Variants in VAT1L observed in about 807,000 individuals in gnomAD.
VAT1L encodes the protein vesicle amine transport 1 like.
In VAT1L, 34 loss-of-function variants were observed where a neutral mutation model predicts 44.1. That is an observed-to-expected ratio of 0.77 (90% CI 0.59 to 1.03). VAT1L has a LOEUF of 1.03. Among genes scored for constraint, VAT1L ranks in the 50% least tolerant of loss-of-function variants. VAT1L has a pLI of 0.00. For synonymous variants in VAT1L, 253 were observed against 202.2 expected, an observed-to-expected ratio of 1.25 and a Z score of -2.13; for missense variants, 615 against 538.8, an observed-to-expected ratio of 1.14 and a Z score of -1.40.
At chr16:77,812,469 C>T (rs530374034) in intron 1 of VAT1L, among the ~76,000 whole-genome samples, 1 of 152,234 alleles carries the variant, frequency 6.6e-6, no homozygotes, top group African/African-American at 2.4e-5. Context: ...GTTGGAAGAC[C>T]TTTATTCAAG....
chr16:77,800,456 T>A (rs1484318677), intron 1 of VAT1L: 1 of 152,212 alleles, frequency 6.6e-6, no homozygotes, highest in Non-Finnish European at 1.5e-5. Context: ...TTTCCACGAC[T>A]CTGTCCCTAC....
chr16:77,878,729 C>T (rs980750584), intron 5 of VAT1L, among the ~76,000 whole-genome samples: 1 of 152,124 alleles, frequency 6.6e-6, no homozygotes, highest in Non-Finnish European at 1.5e-5. Flanking sequence ...CTCTGCTCCA[C>T]CTCTCCCACC....
At chr16:77,830,260 G>GT (rs1477327373) in intron 3 of VAT1L, among the ~76,000 whole-genome samples, 1 of 152,114 alleles carries the variant, frequency 6.6e-6, no homozygotes, top group Non-Finnish European at 1.5e-5. Context: ...TTCATATGCT[G>GT]TTTTTTTCTT....
At chr16:77,812,292 C>G (rs1187404156) in intron 1 of VAT1L, among the ~76,000 whole-genome samples, 1 of 152,080 alleles carries the variant, frequency 6.6e-6, no homozygotes, top group South Asian at 2.1e-4. Context: ...AGGCTGGTCT[C>G]GAACTCCTGA....
At chr16:77,958,523 A>C (rs2018128133) in intron 7 of VAT1L, among the ~76,000 whole-genome samples, 1 of 152,164 alleles carries the variant, frequency 6.6e-6, no homozygotes, top group African/African-American at 2.4e-5. Flanking sequence ...CAACCACCCA[A>C]ATCCAGCACT....
At chr16:77,790,841 G>A (rs1425730341) in intron 1 of VAT1L, among the ~76,000 whole-genome samples, 1 of 152,122 alleles carries the variant, frequency 6.6e-6, no homozygotes, top group Non-Finnish European at 1.5e-5. Context: ...CTGCATAATT[G>A]CTGATAGGAA....
intron 3 of VAT1L, among the ~76,000 whole-genome samples, chr16:77,852,692 C>T (rs555215686): frequency 2.0e-5 from 3 of 152,278 alleles, no homozygotes; most frequent in East Asian, 1.9e-4. Flanking sequence ...CTTGACAAAG[C>T]GTAACTTACC....
intron 1 of VAT1L, among the ~76,000 whole-genome samples, chr16:77,798,648 GA>G (rs1476354333): frequency 2.0e-5 from 3 of 152,090 alleles, no homozygotes; most frequent in Admixed American, 6.5e-5. Flanking sequence ...TTTCTGAATG[GA>G]GTCCCTCATT....
chr16:77,939,162 G>A (rs1019272188), intron 7 of VAT1L, among the ~76,000 whole-genome samples: 1 of 152,148 alleles, frequency 6.6e-6, no homozygotes, highest in Non-Finnish European at 1.5e-5. Flanking sequence ...AATTCGTGAC[G>A]ACCTCTCCAG....
chr16:77,814,071 G>A (rs765828278), intron 1 of VAT1L, among the ~76,000 whole-genome samples: 1 of 152,234 alleles, frequency 6.6e-6, no homozygotes, highest in Admixed American at 6.5e-5. Flanking sequence ...CGCTCTCTGG[G>A]TCTCAATTTT....
At chr16:77,873,897 T>G (rs959805973) in intron 4 of VAT1L, among the ~76,000 whole-genome samples, 6 of 152,084 alleles carry the variant, frequency 3.9e-5, no homozygotes, top group African/African-American at 1.4e-4. Context: ...GCCAAATGCC[T>G]TGAGCTGTGG....
rs17774202 is a variant in VAT1L at position 77,822,500 on chromosome 16, A to G, written c.364-2746A>G. ...GTGTGGAGAGCCACCCCCTTCCAGT[A>G]TCCAAGAAATCTAGGGTCATTTAGG... is the stretch of plus-strand genomic sequence containing the variant. On this transcript the variant is annotated intron_variant, in intron 2 of 8. Transcript: ENST00000302536. Among the ~76,000 whole-genome samples, 1,416 of 152,220 alleles carry G rather than the reference A, an allele frequency of 9.3e-3. 16 individuals carry two copies. The highest frequency in any genetic ancestry group is 0.052 in the East Asian group (271 of 5,164).
At chr16:77,924,183 G>C (rs1455747364) in intron 7 of VAT1L, among the ~76,000 whole-genome samples, 1 of 152,012 alleles carries the variant, frequency 6.6e-6, no homozygotes, top group Non-Finnish European at 1.5e-5. Context: ...CAATGTTGTG[G>C]TCTTTGAAAG....
chr16:77,847,333 G>A (rs995803054), intron 3 of VAT1L, among the ~76,000 whole-genome samples: 3 of 152,126 alleles, frequency 2.0e-5, no homozygotes, highest in African/African-American at 7.2e-5. Flanking sequence ...AGAGGAGGAA[G>A]GGAGACAGAA....
intron 7 of VAT1L, among the ~76,000 whole-genome samples, chr16:77,968,601 T>G (rs1487887185): frequency 2.0e-5 from 3 of 151,802 alleles, no homozygotes; most frequent in South Asian, 4.2e-4. Context: ...GGCAGGCGCC[T>G]GTAGTCCCAG....
chr16:77,952,077 C>A (rs559744309), intron 7 of VAT1L, among the ~76,000 whole-genome samples: 4 of 152,256 alleles, frequency 2.6e-5, no homozygotes, highest in African/African-American at 9.6e-5. Context: ...TCTTATCCTT[C>A]CCAGAGACTG....
chr16:77,908,421 G>A (rs577157145), intron 7 of VAT1L, among the ~76,000 whole-genome samples: 2 of 115,608 alleles, frequency 1.7e-5, no homozygotes, highest in East Asian at 5.9e-4. Flanking sequence ...CCGAGATAGC[G>A]CCACTGCCCT....
intron 7 of VAT1L, among the ~76,000 whole-genome samples, chr16:77,935,625 G>C (rs1318415122): frequency 6.6e-6 from 1 of 151,932 alleles, no homozygotes; most frequent in East Asian, 1.9e-4. Flanking sequence ...GGGATGAGTG[G>C]GGGGAAGAGA....
intron 1 of VAT1L, among the ~76,000 whole-genome samples, chr16:77,806,302 C>CAT (rs993423786): frequency 1.3e-5 from 2 of 151,574 alleles, no homozygotes; most frequent in Non-Finnish European, 2.9e-5. Flanking sequence ...CTCCGCCTCC[C>CAT]GGGTTGAAGC....
Sources: allele counts gnomAD v4.1 joint callset (sites outside exome capture counted in the v4.1 genomes callset), GRCh38; gene constraint gnomAD v4.1.1; transcripts MANE v1.5; gene names NCBI Gene and HGNC (gene_info 2026-07-23, HGNC 2026-07-21).